Variants in COL23A1 observed in about 807,000 individuals in gnomAD.
The protein encoded by COL23A1 is collagen alpha-1(XXIII) chain.
In COL23A1, 97 loss-of-function variants were observed where a neutral mutation model predicts 99.3. That is an observed-to-expected ratio of 0.98 (90% CI 0.83 to 1.16). The LOEUF (loss-of-function observed/expected upper bound fraction) is 1.16, where lower values mean the gene tolerates loss of function less well. Ranked by LOEUF, COL23A1 falls within the 50% of genes most tolerant of loss-of-function variation. The pLI is 0.00. For synonymous variants in COL23A1, 320 were observed against 308.2 expected (o/e 1.04, Z -0.40); for missense variants, 762 against 757.4 (o/e 1.01, Z -0.07).
intron 2 of COL23A1, among the ~76,000 whole-genome samples, chr5:178,424,043 G>A (rs1382235248): frequency 6.6e-6 from 1 of 152,172 alleles, no homozygotes; most frequent in African/African-American, 2.4e-5. Context: ...ATAAATAGCA[G>A]AACCTAAGGC....
chr5:178,326,207 G>C (rs11948332), intron 2 of COL23A1, among the ~76,000 whole-genome samples: 28,790 of 152,034 alleles, frequency 0.19, 3,567 homozygotes, highest in East Asian at 0.55. Flanking sequence ...ACGTGCTCGC[G>C]GCAAGCCTGC....
intron 2 of COL23A1, among the ~76,000 whole-genome samples, chr5:178,330,763 A>C (rs2913788): frequency 0.5 from 76,482 of 151,986 alleles, 20,130 homozygotes; most frequent in East Asian, 0.9. Flanking sequence ...TACCCAGTGA[A>C]CCACTAGGAC....
At chr5:178,299,506 G>A (rs192986271) in intron 3 of COL23A1, among the ~76,000 whole-genome samples, 4 of 151,966 alleles carry the variant, frequency 2.6e-5, no homozygotes, top group African/African-American at 9.6e-5. Flanking sequence ...CTTCCTTTCA[G>A]CCCTGATTTT....
In COL23A1 at chr5:178,280,386, G is replaced by C. The variant is rs1212669029; in HGVS notation, c.441+7938C>G. Among the ~76,000 whole-genome samples, 1 of 152,082 alleles carries C rather than the reference G, an allele frequency of 6.6e-6. No individual in the cohort carries two copies. Among genetic ancestry groups the C allele is most frequent in the African/African-American group, 2.4e-5 (1 of 41,428 alleles). On this transcript the variant is annotated intron_variant, in intron 5 of 28. Coordinates refer to ENST00000390654, the MANE Select transcript of COL23A1 (RefSeq NM_173465.4). This position sits in a 1 kb window ranked among gnomAD's most constrained non-coding sequence, Gnocchi z 4.9. ...TGAAGCTCTCCTGCGTCATCTCCTTGGTTCCCCCAATAGCTGAAGGGGCCG... is the reference window on the plus strand; with the variant it reads ...TGAAGCTCTCCTGCGTCATCTCCTTCGTTCCCCCAATAGCTGAAGGGGCCG...
At chr5:178,507,964 C>G (rs1260027360) in intron 2 of COL23A1, among the ~76,000 whole-genome samples, 1 of 152,152 alleles carries the variant, frequency 6.6e-6, no homozygotes, top group Non-Finnish European at 1.5e-5. Context: ...AATGTTAGAT[C>G]GTCTATGATA....
At chr5:178,336,655 G>A (rs1760337760) in intron 2 of COL23A1, among the ~76,000 whole-genome samples, 1 of 152,228 alleles carries the variant, frequency 6.6e-6, no homozygotes, top group South Asian at 2.1e-4. Context: ...ACAAGTGACG[G>A]TGGTGTGACA....
intron 2 of COL23A1, among the ~76,000 whole-genome samples, chr5:178,403,117 A>AAAAT (rs1182747197): frequency 0.042 from 5,864 of 139,668 alleles, 909 homozygotes; most frequent in African/African-American, 0.15. Context: ...TCAAAAAAAA[A>AAAAT]AAAAATAAAT....
At chr5:178,477,133 C>T (rs1340666474) in intron 2 of COL23A1, among the ~76,000 whole-genome samples, 2 of 152,136 alleles carry the variant, frequency 1.3e-5, no homozygotes, top group African/African-American at 2.4e-5. Context: ...AACAGTAAAG[C>T]GCCATAAGAG....
rs149242875 is a variant in COL23A1 at position 178,556,271 on chromosome 5, G to A, written c.361+4411C>T. 1.4e-3 allele frequency among the ~76,000 whole-genome samples: 207 copies of A among 152,124 alleles called. 2 individuals are homozygous for A. Among genetic ancestry groups the A allele is most frequent in the African/African-American group, 4.8e-3 (199 of 41,486 alleles). On this transcript the variant is annotated intron_variant, in intron 2 of 28. Coordinates refer to ENST00000390654, the MANE Select transcript of COL23A1 (RefSeq NM_173465.4). The stretch of plus-strand genomic sequence containing the variant: ...AAGGCAGCCCATGAAAAACAATGCG[G>A]GATAACTGTTGCGTTATTAAAAAAA...
chr5:178,509,778 C>A (rs1759097861), intron 2 of COL23A1, among the ~76,000 whole-genome samples: 1 of 152,224 alleles, frequency 6.6e-6, no homozygotes, highest in Non-Finnish European at 1.5e-5. Context: ...CTGGAGGGAG[C>A]CTCTGGGCCC....
chr5:178,317,184 GTCTT>G (rs1224028139), intron 2 of COL23A1, among the ~76,000 whole-genome samples: 2 of 152,164 alleles, frequency 1.3e-5, no homozygotes, highest in African/African-American at 4.8e-5. Context: ...TTCCCCACCT[GTCTT>G]TCTATTTATT....
intron 2 of COL23A1, among the ~76,000 whole-genome samples, chr5:178,559,505 A>G (rs519872): frequency 0.55 from 72,800 of 133,516 alleles, 20,824 homozygotes; most frequent in African/African-American, 0.77. Context: ...TTCCCTGCAC[A>G]TCGAGAAGTC....
chr5:178,356,363 T>C (rs886676169), intron 2 of COL23A1, among the ~76,000 whole-genome samples: 3 of 127,134 alleles, frequency 2.4e-5, no homozygotes, highest in Non-Finnish European at 5.0e-5. Flanking sequence ...GAACTGTATA[T>C]CAATAAAGCT....
intron 2 of COL23A1, among the ~76,000 whole-genome samples, chr5:178,389,899 C>T (rs1763873401): frequency 6.6e-6 from 1 of 152,224 alleles, no homozygotes; most frequent in Non-Finnish European, 1.5e-5. Context: ...TGAAGTGGCA[C>T]CGGCTGCCCC....
At chr5:178,458,509 C>G (rs112629402) in intron 2 of COL23A1, among the ~76,000 whole-genome samples, 1 of 151,808 alleles carries the variant, frequency 6.6e-6, no homozygotes, top group Non-Finnish European at 1.5e-5. Context: ...TGGTGGTGCA[C>G]GCCTATAATT....
intron 2 of COL23A1, among the ~76,000 whole-genome samples, chr5:178,441,600 T>TGC (rs1337163839): frequency 6.6e-6 from 1 of 152,130 alleles, no homozygotes; most frequent in Non-Finnish European, 1.5e-5. Context: ...TTCAAAGGGC[T>TGC]GCCTTAATGG....
chr5:178,256,826 C>T (rs765327516), intron 14 of COL23A1, 40 bp downstream of exon 14: 12 of 1,586,982 alleles, frequency 7.6e-6, no homozygotes, highest in South Asian at 3.4e-5. Context: ...GAGGTCTGAG[C>T]GGGGCCCGCA....
intron 2 of COL23A1, among the ~76,000 whole-genome samples, chr5:178,501,453 C>T (rs986534172): frequency 1.3e-5 from 2 of 152,030 alleles, no homozygotes; most frequent in East Asian, 3.9e-4. Context: ...TGGTGGCGGG[C>T]GTCTGCAGTC....
chr5:178,460,320 GA>G (rs1306783018), intron 2 of COL23A1, among the ~76,000 whole-genome samples: 1 of 152,000 alleles, frequency 6.6e-6, no homozygotes, highest in Non-Finnish European at 1.5e-5. Flanking sequence ...TAACCACAAA[GA>G]AAAAAGCCCT....
Sources: allele counts gnomAD v4.1 joint callset (sites outside exome capture counted in the v4.1 genomes callset), GRCh38; gene constraint gnomAD v4.1.1; non-coding constraint Gnocchi (gnomAD v3.1); transcripts MANE v1.5; gene names NCBI Gene and HGNC (gene_info 2026-07-23, HGNC 2026-07-21).